The following CCDC181 variants were observed in gnomAD, a reference collection of about 807,000 sequenced individuals.
The protein encoded by CCDC181 is coiled-coil domain containing 181.
A neutral mutation model predicts 58.7 loss-of-function variants in CCDC181; 35 were observed. That is an observed-to-expected ratio of 0.60 (90% CI 0.46 to 0.79). The LOEUF (loss-of-function observed/expected upper bound fraction) is 0.79. Ranked by LOEUF, CCDC181 falls within the 30% of genes least tolerant of loss-of-function variation. The pLI is 0.00. For synonymous variants in CCDC181, 183 were observed against 197.5 expected, an observed-to-expected ratio of 0.93 and a Z score of 0.62; for missense variants, 517 against 583.9, an observed-to-expected ratio of 0.89 and a Z score of 1.18.
chr1:169,434,444 A>G (rs183053552), intron 2 of CCDC181, among the ~76,000 whole-genome samples: 1 of 152,104 alleles, frequency 6.6e-6, no homozygotes, highest in Admixed American at 6.5e-5. Flanking sequence ...TATACCCAAA[A>G]TAATCACAAG....
chr1:169,443,611 A>T (rs1657292122), intron 2 of CCDC181, among the ~76,000 whole-genome samples: 1 of 152,288 alleles, frequency 6.6e-6, no homozygotes, highest in South Asian at 2.1e-4. Context: ...ATTTACTAAG[A>T]TGTCCTATAG....
chr1:169,426,999 T>G (rs1481029298), intron 1 of CCDC181, among the ~76,000 whole-genome samples: 1 of 152,194 alleles, frequency 6.6e-6, no homozygotes, highest in Non-Finnish European at 1.5e-5. Flanking sequence ...ATTATTACTT[T>G]CCACGTTCAA....
At chr1:169,454,793 A>G (rs1044399379) in intron 2 of CCDC181, among the ~76,000 whole-genome samples, 9 of 152,048 alleles carry the variant, frequency 5.9e-5, no homozygotes, top group African/African-American at 2.2e-4. Flanking sequence ...TGTCTTACCA[A>G]AAAAGGTAAC....
At chr1:169,440,933 A>AAAAAAAAAAATAAAAT (rs1364490404) in intron 2 of CCDC181, among the ~76,000 whole-genome samples, 1 of 116,842 alleles carries the variant, frequency 8.6e-6, no homozygotes, top group Non-Finnish European at 1.7e-5. Context: ...AGACTGTCTA[A>AAAAAAAAAAATAAAAT]AAAAAAAAAA....
upstream of CCDC181, among the ~76,000 whole-genome samples, chr1:169,430,372 T>C (rs1356580972): frequency 6.6e-6 from 1 of 152,230 alleles, no homozygotes; most frequent in African/African-American, 2.4e-5. Flanking sequence ...GTTTGTAGAC[T>C]GCTTTTGGCA....
chr1:169,439,186 A>C (rs560272460), intron 2 of CCDC181, among the ~76,000 whole-genome samples: 2 of 152,012 alleles, frequency 1.3e-5, no homozygotes, highest in East Asian at 3.9e-4. Flanking sequence ...ATGGACAGAC[A>C]CCCCACCATG....
chr1:169,398,810 G>A (rs1281755665), intron 4 of CCDC181, among the ~76,000 whole-genome samples: 1 of 152,164 alleles, frequency 6.6e-6, no homozygotes, highest in Non-Finnish European at 1.5e-5. Flanking sequence ...GTGACTGACT[G>A]ATTGATTGAC....
chr1:169,432,293 A>G (rs748362517), upstream of CCDC181, among the ~76,000 whole-genome samples: 2 of 152,164 alleles, frequency 1.3e-5, no homozygotes, highest in African/African-American at 2.4e-5. Flanking sequence ...AAATTGTTGT[A>G]TCTGAGAAAC....
upstream of CCDC181, among the ~76,000 whole-genome samples, chr1:169,432,224 C>T (rs1656940351): frequency 6.6e-6 from 1 of 151,910 alleles, no homozygotes; most frequent in Non-Finnish European, 1.5e-5. Flanking sequence ...TGTTGGGATT[C>T]AAAAGCATAT....
intron 4 of CCDC181, among the ~76,000 whole-genome samples, chr1:169,409,505 G>T (rs1455709511): frequency 6.6e-6 from 1 of 152,104 alleles, no homozygotes; most frequent in Non-Finnish European, 1.5e-5. Context: ...ACCTACCAAG[G>T]CAGGCAAACA....
intron 4 of CCDC181, among the ~76,000 whole-genome samples, chr1:169,399,815 A>C (rs1450018446): frequency 6.6e-6 from 1 of 152,166 alleles, no homozygotes; most frequent in Non-Finnish European, 1.5e-5. Flanking sequence ...CCCCATATTC[A>C]CCCTGGCTCT....
At chr1:169,426,284 AGG>A (rs944337006) in intron 1 of CCDC181, among the ~76,000 whole-genome samples, 11 of 152,340 alleles carry the variant, frequency 7.2e-5, no homozygotes, top group African/African-American at 2.6e-4. Context: ...CTTCATCACC[AGG>A]GTACTGTCCA....
intron 2 of CCDC181, among the ~76,000 whole-genome samples, chr1:169,433,823 T>C (rs532497310): frequency 6.6e-6 from 1 of 152,098 alleles, no homozygotes; most frequent in African/African-American, 2.4e-5. Flanking sequence ...TATGAACTCT[T>C]ATAAGGAAAC....
rs770427072 is a variant in CCDC181, at chr1:169,421,862, C to A, written c.569G>T (p.Cys190Phe). 4 of 1,613,874 alleles carry A rather than the reference C, an allele frequency of 2.5e-6. No homozygotes were observed. In the Admixed American group the frequency reaches 6.7e-5, roughly 27 times the overall value. ...TTCTTGTCCAAAATCATTGGAAATACATAATTGTGACAGTTTCCCAAACAT... is the reference window on the plus strand; with the variant it reads ...TTCTTGTCCAAAATCATTGGAAATAAATAATTGTGACAGTTTCCCAAACAT... ...RNMFGKLSQL[C>F]ISNDFGQEDV... Residue 190 changes from cysteine (C) to phenylalanine (F), a missense_variant, in exon 3 of 6, where the codon TGT becomes TTT. Cys to Phe is a radical substitution (Grantham distance 205, BLOSUM62 -2). Transcript: ENST00000367806.
At chr1:169,400,144 A>G (rs1218559351) in intron 4 of CCDC181, among the ~76,000 whole-genome samples, 1 of 152,198 alleles carries the variant, frequency 6.6e-6, no homozygotes, top group Non-Finnish European at 1.5e-5. Flanking sequence ...TGGAGTTCCA[A>G]TCCAACTATA....
chr1:169,459,084 T>C (rs1217644140), intron 2 of CCDC181, among the ~76,000 whole-genome samples: 2 of 152,334 alleles, frequency 1.3e-5, no homozygotes, highest in East Asian at 3.9e-4. Flanking sequence ...TTATTTATTA[T>C]GCTTTTTTAT....
chr1:169,433,289 A>G (rs1449630983), intron 2 of CCDC181, among the ~76,000 whole-genome samples: 3 of 152,078 alleles, frequency 2.0e-5, no homozygotes, highest in Non-Finnish European at 4.4e-5. Flanking sequence ...GATGCATACA[A>G]TGTAAACCAT....
chr1:169,445,844 G>A (rs79144690), intron 2 of CCDC181, among the ~76,000 whole-genome samples: 2 of 151,990 alleles, frequency 1.3e-5, no homozygotes, highest in South Asian at 4.2e-4. Context: ...GTTTTTCAAG[G>A]AGGTAGTGCA....
At chr1:169,418,474 T>C (rs1021925387) in intron 4 of CCDC181, among the ~76,000 whole-genome samples, 5 of 151,846 alleles carry the variant, frequency 3.3e-5, no homozygotes, top group African/African-American at 1.2e-4. Context: ...TGGAGGAGCT[T>C]AGGGTTAAAT....
Sources: allele counts gnomAD v4.1 joint callset (sites outside exome capture counted in the v4.1 genomes callset), GRCh38; gene constraint gnomAD v4.1.1; transcripts MANE v1.5; gene names NCBI Gene and HGNC (gene_info 2026-07-23, HGNC 2026-07-21).